Variants in ADCY3 observed in about 807,000 individuals in gnomAD.
ADCY3 encodes adenylate cyclase type 3.
Under a neutral mutation model 119.4 loss-of-function variants are expected in ADCY3, and 70 were observed. The observed-to-expected ratio is 0.59, with a 90% CI of 0.48 to 0.72. The LOEUF (loss-of-function observed/expected upper bound fraction) is 0.72. Among genes scored for constraint, ADCY3 ranks in the 30% least tolerant of loss-of-function variants. The probability of loss-of-function intolerance (pLI) is 0.00; values close to 1 mark genes in which losing one functional copy is unlikely to be tolerated. For synonymous variants in ADCY3, 672 were observed against 621.4 expected, an observed-to-expected ratio of 1.08 and a Z score of -1.21; for missense variants, 1,238 against 1,541.6, an observed-to-expected ratio of 0.80 and a Z score of 3.30.
Position 24,842,376 on chromosome 2 carries a change from G to A in ADCY3, c.834C>T (p.Leu278=). The change falls in exon 4 of 22, where the codon CTC becomes CTT. Residue 278 remains leucine (L), a synonymous_variant. Coordinates refer to ENST00000679454, the MANE Select transcript of ADCY3 (RefSeq NM_004036.5). This position sits in a 1 kb window ranked among gnomAD's most constrained non-coding sequence, Gnocchi z 4.9. The part of the protein sequence containing the change: ...LEEQSQQQEN[L]MLSILPKHVA... ...CGTGCTTGGGCAGGATGGAAAGCAT[G>A]AGGTTCTCCTGTGAGGGGCAGGAGA... 6.2e-7 allele frequency: 1 copy of A among 1,614,178 alleles called. No individual in the cohort carries two copies. Among genetic ancestry groups the A allele is most frequent in the South Asian group, 1.1e-5 (1 of 91,082 alleles).
chr2:24,824,286 G>T, intron 17 of ADCY3, 92 bp downstream of exon 17: 1 of 1,508,334 alleles, frequency 6.6e-7, no homozygotes. Flanking sequence ...CCCTGTCCCT[G>T]AGAAGGCCTG....
intron 2 of ADCY3, among the ~76,000 whole-genome samples, chr2:24,912,305 A>G (rs1364617282): frequency 6.6e-6 from 1 of 151,492 alleles, no homozygotes; most frequent in Admixed American, 6.6e-5. Flanking sequence ...TCTATTTGAA[A>G]AAAAAAAAAA....
chr2:24,821,344 A>G (rs1667677035), intron 20 of ADCY3, 173 bp downstream of exon 20: 2 of 940,378 alleles, frequency 2.1e-6, no homozygotes, highest in African/African-American at 3.3e-5. Flanking sequence ...TGGTTTAGTC[A>G]TCTAGAGTCG....
intron 2 of ADCY3, among the ~76,000 whole-genome samples, chr2:24,873,050 C>A (rs1211619379): frequency 1.3e-5 from 2 of 152,224 alleles, no homozygotes; most frequent in Non-Finnish European, 2.9e-5. Flanking sequence ...CTGGCCAGTC[C>A]CTCCACCTGT....
intron 13 of ADCY3, among the ~76,000 whole-genome samples, chr2:24,829,556 G>A (rs1273134695): frequency 1.3e-5 from 2 of 151,162 alleles, no homozygotes; most frequent in Non-Finnish European, 2.9e-5. Flanking sequence ...GAGTAGCTGG[G>A]ACTACAGGCG....
intron 2 of ADCY3, among the ~76,000 whole-genome samples, chr2:24,892,947 A>C (rs1271647120): frequency 6.6e-6 from 1 of 151,850 alleles, no homozygotes; most frequent in East Asian, 1.9e-4. Context: ...CACAAGTGTG[A>C]GCCACCACAC....
chr2:24,856,285 G>A (rs1205354048), intron 3 of ADCY3, among the ~76,000 whole-genome samples: 2 of 152,186 alleles, frequency 1.3e-5, no homozygotes, highest in Non-Finnish European at 2.9e-5. Context: ...TGTATATGAA[G>A]TCTGTTTGTC....
chr2:24,831,281 T>TTTAA (rs1418714367), intron 12 of ADCY3, among the ~76,000 whole-genome samples: 9 of 151,286 alleles, frequency 5.9e-5, no homozygotes, highest in Non-Finnish European at 1.0e-4. Flanking sequence ...AGGAGAAAGT[T>TTTAA]TTAATCCCTT....
At chr2:24,908,430 T>C (rs1038427528) in intron 2 of ADCY3, among the ~76,000 whole-genome samples, 1 of 152,162 alleles carries the variant, frequency 6.6e-6, no homozygotes, top group Non-Finnish European at 1.5e-5. Context: ...TTCTTAACAA[T>C]AATCCTTTCA....
rs755565638 is a variant in ADCY3, at chr2:24,828,180, G to A, written c.2173-19C>T. 1 of 1,611,104 alleles carries A rather than the reference G, an allele frequency of 6.2e-7. No individual in the cohort carries two copies. Among genetic ancestry groups the A allele is most frequent in the Admixed American group, 1.7e-5 (1 of 60,002 alleles). ...AGCTGAGCTGGAGGCCAGGACGGCG[G>A]GCAGGGACACACGTTCAAGAGAACA... is the stretch of plus-strand genomic sequence containing the variant. On this transcript the variant is annotated intron_variant, in intron 13 of 21. Transcript: ENST00000679454.
intron 2 of ADCY3, among the ~76,000 whole-genome samples, chr2:24,874,743 C>T (rs1197525067): frequency 6.6e-6 from 1 of 152,172 alleles, no homozygotes; most frequent in African/African-American, 2.4e-5. Context: ...AGTGGTTGGA[C>T]CTGGAAAATT....
At chr2:24,824,566 C>G (rs1434994223) in intron 16 of ADCY3, 30 bp from the exon 17 acceptor site, 2 of 1,609,778 alleles carry the variant, frequency 1.2e-6, no homozygotes, top group Admixed American at 3.3e-5. Flanking sequence ...GAGGCATGTG[C>G]TCTAAGCTGG....
chr2:24,859,944 C>T (rs530176229), intron 3 of ADCY3, among the ~76,000 whole-genome samples: 1 of 152,200 alleles, frequency 6.6e-6, no homozygotes, highest in Non-Finnish European at 1.5e-5. Context: ...CCTCTACGTG[C>T]CCTGGCTGCA....
chr2:24,832,754 C>T (rs1231582650), intron 11 of ADCY3, among the ~76,000 whole-genome samples: 1 of 152,202 alleles, frequency 6.6e-6, no homozygotes, highest in East Asian at 1.9e-4. Flanking sequence ...ACGTCTCCAA[C>T]CCCACCCGCC....
intron 2 of ADCY3, among the ~76,000 whole-genome samples, chr2:24,875,285 A>G (rs912144364): frequency 6.6e-5 from 10 of 152,166 alleles, no homozygotes; most frequent in Non-Finnish European, 1.3e-4. Flanking sequence ...TTCCATCCCT[A>G]TGGTCCCTCT....
intron 3 of ADCY3, among the ~76,000 whole-genome samples, chr2:24,844,835 T>C (rs912105677): frequency 1.3e-5 from 2 of 152,192 alleles, no homozygotes; most frequent in Non-Finnish European, 2.9e-5. Context: ...TTTGGCTGTG[T>C]CCCCACCCAA....
chr2:24,834,723 C>T lies in ADCY3; in HGVS notation c.1805+71G>A, dbSNP rs1670060221. ...TAGCAGGGGGGCCGTATTTGGGATG[C>T]TCAGTTTCCTGAATCCCTTGTCAGG... On this transcript the variant is annotated intron_variant, in intron 10 of 21. Transcript: ENST00000679454. This position sits in a 1 kb window ranked among gnomAD's most constrained non-coding sequence, Gnocchi z 4.2. The T allele has an allele frequency of 3.7e-6, 6 of 1,601,834 alleles. No homozygotes were observed. Among genetic ancestry groups the T allele is most frequent in the Non-Finnish European group, 5.1e-6 (6 of 1,170,634 alleles).
intron 2 of ADCY3, among the ~76,000 whole-genome samples, chr2:24,883,199 T>C (rs1676613532): frequency 1.3e-5 from 2 of 151,450 alleles, no homozygotes; most frequent in African/African-American, 4.9e-5. Context: ...AATATAAAAA[T>C]TAGCTGGGCA....
At chr2:24,862,403 G>A (rs1025321441) in intron 3 of ADCY3, among the ~76,000 whole-genome samples, 8 of 152,206 alleles carry the variant, frequency 5.3e-5, no homozygotes, top group East Asian at 3.9e-4. Flanking sequence ...AATATTTGCC[G>A]GGCATGGTGG....
Sources: allele counts gnomAD v4.1 joint callset (sites outside exome capture counted in the v4.1 genomes callset), GRCh38; gene constraint gnomAD v4.1.1; non-coding constraint Gnocchi (gnomAD v3.1); transcripts MANE v1.5; gene names NCBI Gene and HGNC (gene_info 2026-07-23, HGNC 2026-07-21).